Variants in SAMMSON observed in about 807,000 individuals in gnomAD.
SAMMSON encodes survival associated mitochondrial melanoma specific oncogenic non-coding RNA.
intron 4 of SAMMSON, among the ~76,000 whole-genome samples, chr3:70,164,321 T>C (rs990322460): frequency 1.3e-5 from 2 of 152,036 alleles, no homozygotes; most frequent in Non-Finnish European, 2.9e-5. Flanking sequence ...TGACAAAATA[T>C]GTATAGAACC....
At chr3:70,345,886 C>T (rs1052645944) in intron 7 of SAMMSON, among the ~76,000 whole-genome samples, 1 of 152,156 alleles carries the variant, frequency 6.6e-6, no homozygotes, top group Admixed American at 6.5e-5. Flanking sequence ...ATTATACATT[C>T]ATCTATTCAA....
At chr3:70,015,701 C>G (rs1439870202) in intron 3 of SAMMSON, among the ~76,000 whole-genome samples, 1 of 146,172 alleles carries the variant, frequency 6.8e-6, no homozygotes, top group Non-Finnish European at 1.5e-5. Flanking sequence ...TCTCCTAATG[C>G]TATCCCTCCC....
At chr3:70,296,510 T>A (rs139318852) in intron 7 of SAMMSON, among the ~76,000 whole-genome samples, 309 of 152,154 alleles carry the variant, frequency 2.0e-3, no homozygotes, top group Middle Eastern at 6.8e-3. Flanking sequence ...TAAGATAATT[T>A]AAAAAAAATC....
intron 9 of SAMMSON, among the ~76,000 whole-genome samples, chr3:70,382,420 C>T (rs1291663718): frequency 6.6e-6 from 1 of 152,074 alleles, no homozygotes; most frequent in Non-Finnish European, 1.5e-5. Flanking sequence ...AATTTTGCCT[C>T]TTAGGGGATA....
chr3:70,198,930 A>G (rs369153504), intron 4 of SAMMSON, among the ~76,000 whole-genome samples: 8 of 152,330 alleles, frequency 5.3e-5, no homozygotes, highest in African/African-American at 1.9e-4. Context: ...TGCTTTTCTG[A>G]AAAGGAAAAG....
At chr3:70,358,675 T>C (rs1359098083) in intron 9 of SAMMSON, among the ~76,000 whole-genome samples, 4 of 151,988 alleles carry the variant, frequency 2.6e-5, no homozygotes, top group Non-Finnish European at 4.4e-5. Flanking sequence ...AAATATATCT[T>C]CTGTTTTTTT....
intron 2 of SAMMSON, among the ~76,000 whole-genome samples, chr3:70,428,725 T>A (rs1054126492): frequency 1.3e-5 from 2 of 152,174 alleles, no homozygotes; most frequent in Non-Finnish European, 2.9e-5. Flanking sequence ...GGAGTGTATC[T>A]CTAAACAGTG....
intron 2 of SAMMSON, among the ~76,000 whole-genome samples, chr3:70,429,342 A>T (rs1322648184): frequency 6.6e-6 from 1 of 152,160 alleles, no homozygotes; most frequent in Non-Finnish European, 1.5e-5. Context: ...TTTTGGTACC[A>T]GTACGATGTG....
intron 3 of SAMMSON, among the ~76,000 whole-genome samples, chr3:70,051,443 T>C (rs1193886464): frequency 2.1e-5 from 3 of 145,146 alleles, no homozygotes; most frequent in African/African-American, 5.0e-5. Flanking sequence ...GTTTTTGCCA[T>C]TCTAATGGCA....
chr3:70,249,590 G>A (rs1701740476), intron 5 of SAMMSON: 1 of 151,512 alleles, frequency 6.6e-6, no homozygotes, highest in Admixed American at 6.6e-5. Context: ...ATATATCATT[G>A]CAGGTGCCCC....
intron 2 of SAMMSON, among the ~76,000 whole-genome samples, chr3:70,396,755 T>G (rs982093831): frequency 1.3e-5 from 2 of 152,188 alleles, no homozygotes; most frequent in Non-Finnish European, 2.9e-5. Flanking sequence ...CCTAATCTTT[T>G]CCAGTTCCAA....
chr3:70,019,155 T>C (rs2066999669), intron 3 of SAMMSON, among the ~76,000 whole-genome samples: 1 of 152,178 alleles, frequency 6.6e-6, no homozygotes, highest in East Asian at 1.9e-4. Flanking sequence ...TTCTGTCTCG[T>C]TGATGTGTCT....
intron 7 of SAMMSON, among the ~76,000 whole-genome samples, chr3:70,322,969 C>A (rs564073067): frequency 1.3e-5 from 2 of 151,892 alleles, no homozygotes; most frequent in African/African-American, 4.8e-5. Flanking sequence ...CTGGAGAAGT[C>A]GTGAGAAAAT....
chr3:70,096,406 C>T (rs1330398305), intron 4 of SAMMSON, among the ~76,000 whole-genome samples: 2 of 152,024 alleles, frequency 1.3e-5, no homozygotes, highest in African/African-American at 4.8e-5. Context: ...TAGCTTGGTG[C>T]GGTGGCGCAT....
chr3:70,277,997 A>G (rs553080606), intron 6 of SAMMSON, among the ~76,000 whole-genome samples: 1 of 152,238 alleles, frequency 6.6e-6, no homozygotes, highest in Non-Finnish European at 1.5e-5. Context: ...AATCTTAAGT[A>G]TATACATTGA....
intron 9 of SAMMSON, among the ~76,000 whole-genome samples, chr3:70,378,453 G>A (rs1461429711): frequency 6.6e-6 from 1 of 152,008 alleles, no homozygotes; most frequent in Admixed American, 6.6e-5. Context: ...ATAGGAAGAA[G>A]GATGAGGAAG....
chr3:70,144,494 T>C (rs1466043804), intron 4 of SAMMSON, among the ~76,000 whole-genome samples: 2 of 152,200 alleles, frequency 1.3e-5, no homozygotes, highest in African/African-American at 4.8e-5. Flanking sequence ...TGTATGCATG[T>C]ATTTCAAGTT....
chr3:70,087,967 A>G (rs1318573105), intron 4 of SAMMSON, among the ~76,000 whole-genome samples: 1 of 152,180 alleles, frequency 6.6e-6, no homozygotes, highest in Non-Finnish European at 1.5e-5. Flanking sequence ...ATGATGCTTT[A>G]TTGGCTGGCA....
intron 4 of SAMMSON, chr3:70,075,504 G>A (rs762130490): frequency 1.3e-5 from 2 of 152,118 alleles, no homozygotes; most frequent in Admixed American, 6.6e-5. Context: ...GACCTTAGCT[G>A]TAAGCTAAGA....
Sources: allele counts gnomAD v4.1 joint callset (sites outside exome capture counted in the v4.1 genomes callset), GRCh38; gene constraint gnomAD v4.1.1; transcripts MANE v1.5; gene names NCBI Gene and HGNC (gene_info 2026-07-23, HGNC 2026-07-21).